The following LOC128706665 variants were observed in gnomAD, a reference collection of about 807,000 sequenced individuals.
the LOC128706665 span, among the ~76,000 whole-genome samples, chr20:10,430,985 T>C: frequency 2.0e-5 from 3 of 152,216 alleles, no homozygotes; most frequent in Non-Finnish European, 4.4e-5. Context: ...AAATTAGTTA[T>C]GGTCTTGGAC....
the LOC128706665 span, among the ~76,000 whole-genome samples, chr20:10,429,953 C>T: frequency 6.6e-6 from 1 of 152,132 alleles, no homozygotes; most frequent in African/African-American, 2.4e-5. Flanking sequence ...AATTCTGAAG[C>T]TAAAGTTTGA....
chr20:10,415,656 T>TGA, the LOC128706665 span, among the ~76,000 whole-genome samples: 1 of 152,224 alleles, frequency 6.6e-6, no homozygotes, highest in African/African-American at 2.4e-5. Context: ...CCTCACAAAG[T>TGA]GACTTCTATA....
At chr20:10,432,789 CAAA>C in the LOC128706665 span, among the ~76,000 whole-genome samples, 19 of 74,556 alleles carry the variant, frequency 2.5e-4, no homozygotes, top group African/African-American at 7.2e-4. Context: ...GACTCTTTGT[CAAA>C]AAAAAAAAAA....
the LOC128706665 span, among the ~76,000 whole-genome samples, chr20:10,431,484 G>C: frequency 1.3e-5 from 2 of 151,778 alleles, no homozygotes; most frequent in Non-Finnish European, 2.9e-5. Flanking sequence ...GAAGATAATG[G>C]GACAATCTTA....
the LOC128706665 span, among the ~76,000 whole-genome samples, chr20:10,433,217 G>C: frequency 6.6e-6 from 1 of 152,222 alleles, no homozygotes; most frequent in East Asian, 1.9e-4. Context: ...CGTTGGCCTG[G>C]CTGGCCCCAA....
chr20:10,416,280 CCTAAAAGCAAATGGAGTTCT>C, the LOC128706665 span, among the ~76,000 whole-genome samples: 1 of 151,972 alleles, frequency 6.6e-6, no homozygotes, highest in East Asian at 1.9e-4. Flanking sequence ...GAAAGTTTTT[CCTAAAAGCAAATGGAGTTCT>C]TTGGCAAAAA....
chr20:10,422,757 G>C, the LOC128706665 span, among the ~76,000 whole-genome samples: 1 of 149,238 alleles, frequency 6.7e-6, no homozygotes, highest in Non-Finnish European at 1.5e-5. Context: ...TGTCACCCAA[G>C]CTGTAGTGCA....
At chr20:10,421,920 C>T in the LOC128706665 span, among the ~76,000 whole-genome samples, 1 of 152,028 alleles carries the variant, frequency 6.6e-6, no homozygotes, top group Admixed American at 6.6e-5. Flanking sequence ...ACTGCTCCAC[C>T]ATCTATGAGA....
chr20:10,427,028 T>A, the LOC128706665 span, among the ~76,000 whole-genome samples: 6,502 of 61,214 alleles, frequency 0.11, 238 homozygotes, highest in Admixed American at 0.16. Context: ...AAGAAAACAC[T>A]GACACACACA....
chr20:10,421,372 C>A, the LOC128706665 span, among the ~76,000 whole-genome samples: 1 of 139,204 alleles, frequency 7.2e-6, no homozygotes, highest in Non-Finnish European at 1.5e-5. Flanking sequence ...TGCAGTGAGC[C>A]AAGATCATGC....
At chr20:10,415,911 T>C in the LOC128706665 span, among the ~76,000 whole-genome samples, 104 of 152,202 alleles carry the variant, frequency 6.8e-4, 1 homozygote, top group African/African-American at 2.4e-3. Flanking sequence ...CAAATCATTT[T>C]AAAGATGCCA....
At chr20:10,429,824 A>T in the LOC128706665 span, among the ~76,000 whole-genome samples, 1 of 152,152 alleles carries the variant, frequency 6.6e-6, no homozygotes, top group Non-Finnish European at 1.5e-5. Flanking sequence ...CAACAGTGCC[A>T]TTAGCAACAC....
chr20:10,433,371 A>ATTGT, the LOC128706665 span, among the ~76,000 whole-genome samples: 2 of 152,188 alleles, frequency 1.3e-5, no homozygotes, highest in African/African-American at 4.8e-5. Flanking sequence ...TAGGGAGCGT[A>ATTGT]TTGTTTCTCC....
chr20:10,416,008 G>A, the LOC128706665 span, among the ~76,000 whole-genome samples: 1 of 152,040 alleles, frequency 6.6e-6, no homozygotes, highest in Non-Finnish European at 1.5e-5. Context: ...CAAACCACTG[G>A]GGCTGGTTTA....
chr20:10,424,454 T>C, the LOC128706665 span, among the ~76,000 whole-genome samples: 1 of 152,266 alleles, frequency 6.6e-6, no homozygotes, highest in South Asian at 2.1e-4. Context: ...AACTACTTCA[T>C]TTCTTTCACT....
At chr20:10,432,089 T>C in the LOC128706665 span, among the ~76,000 whole-genome samples, 1 of 152,196 alleles carries the variant, frequency 6.6e-6, no homozygotes, top group Admixed American at 6.5e-5. Context: ...CATGATTGAC[T>C]TGGCTGAAGA....
the LOC128706665 span, among the ~76,000 whole-genome samples, chr20:10,416,123 A>C: frequency 3.9e-5 from 6 of 152,138 alleles, no homozygotes; most frequent in Non-Finnish European, 5.9e-5. Context: ...GGTCCTGACT[A>C]TTCTTGGATG....
At chr20:10,433,902 A>T in the LOC128706665 span, among the ~76,000 whole-genome samples, 26 of 152,258 alleles carry the variant, frequency 1.7e-4, no homozygotes, top group African/African-American at 5.8e-4. Flanking sequence ...TGCCGACCGC[A>T]ACATTTACCA....
At chr20:10,426,489 T>C in the LOC128706665 span, among the ~76,000 whole-genome samples, 1 of 151,814 alleles carries the variant, frequency 6.6e-6, no homozygotes, top group Non-Finnish European at 1.5e-5. Flanking sequence ...CACCTCCGCA[T>C]GCCAGATTTA....
Sources: allele counts gnomAD v4.1 joint callset (sites outside exome capture counted in the v4.1 genomes callset), GRCh38; gene constraint gnomAD v4.1.1; transcripts MANE v1.5.